Variants in PPP2R3B observed in about 807,000 individuals in gnomAD.
The protein encoded by PPP2R3B is protein phosphatase 2 regulatory subunit B''beta.
In PPP2R3B, 68 loss-of-function variants were observed where a neutral mutation model predicts 72.9. That is an observed-to-expected ratio of 0.93 (90% CI 0.77 to 1.14). The LOEUF (loss-of-function observed/expected upper bound fraction) is 1.14. PPP2R3B is among the 50% of genes most tolerant of loss of function. PPP2R3B has a pLI of 0.00. For missense variants in PPP2R3B, 1,018 were observed against 842.0 expected, an observed-to-expected ratio of 1.21 and a Z score of -2.59; for synonymous variants, 466 against 375.8, an observed-to-expected ratio of 1.24 and a Z score of -2.78.
intron 12 of PPP2R3B, chrX:338,084 G>A: frequency 5.8e-6 from 1 of 173,218 alleles, no homozygotes; most frequent in Admixed American, 5.4e-5. Flanking sequence ...AAGAGGGGGT[G>A]AAAACATACG....
chrX:355,464 C>T (rs1426538352), intron 2 of PPP2R3B, among the ~76,000 whole-genome samples: 1 of 152,180 alleles, frequency 6.6e-6, no homozygotes, highest in Non-Finnish European at 1.5e-5. Context: ...AGCAGGCTGT[C>T]GTAGCAACGG....
chrX:375,748 A>T (rs1325965637), intron 1 of PPP2R3B, among the ~76,000 whole-genome samples: 3 of 152,048 alleles, frequency 2.0e-5, no homozygotes, highest in Non-Finnish European at 4.4e-5. Context: ...TCAAACCCAA[A>T]ATGCGGGGGA....
At chrX:334,924 G>C (rs1420718748) in intron 12 of PPP2R3B, 2 of 179,484 alleles carry the variant, frequency 1.1e-5, no homozygotes, top group Middle Eastern at 2.2e-3. Flanking sequence ...TCCCAGTGGA[G>C]GCTACCACTT....
At chrX:367,505 C>T (rs1385281072) in intron 1 of PPP2R3B, among the ~76,000 whole-genome samples, 1 of 151,920 alleles carries the variant, frequency 6.6e-6, no homozygotes, top group Non-Finnish European at 1.5e-5. Flanking sequence ...TCCAGCGATT[C>T]TCCTGCCTCA....
At chrX:334,673 T>C in intron 12 of PPP2R3B, 156 bp from the exon 13 acceptor site, 1 of 889,578 alleles carries the variant, frequency 1.1e-6, no homozygotes, top group Non-Finnish European at 1.5e-6. Flanking sequence ...AACGCGCTCC[T>C]GGCTGAGGAC....
At chrX:356,770 C>T (rs1413583770) in intron 2 of PPP2R3B, among the ~76,000 whole-genome samples, 4 of 147,446 alleles carry the variant, frequency 2.7e-5, no homozygotes, top group Non-Finnish European at 4.5e-5. Flanking sequence ...ACTGCCCATA[C>T]GGCCAGGGAC....
intron 1 of PPP2R3B, among the ~76,000 whole-genome samples, chrX:379,113 GTGCACCTGTGTGTATGCACCTA>G (rs2072063932): frequency 6.6e-6 from 1 of 151,038 alleles, no homozygotes; most frequent in African/African-American, 2.4e-5. Context: ...GCACCTGTGT[GTGCACCTGTGTGTATGCACCTA>G]TGTGTGTGTA....
chrX:336,573 A>T (rs755252273), intron 12 of PPP2R3B: 1 of 152,444 alleles, frequency 6.6e-6, no homozygotes, highest in South Asian at 2.1e-4. Context: ...AGTAACGTAC[A>T]CAGAGAGGTG....
chrX:377,603 G>A (rs2072025160), intron 1 of PPP2R3B, among the ~76,000 whole-genome samples: 1 of 129,888 alleles, frequency 7.7e-6, no homozygotes, highest in Non-Finnish European at 1.6e-5. Context: ...ACAGGGACGG[G>A]CCGTCTACAG....
chrX:349,598 A>G (rs1343948721), intron 2 of PPP2R3B, among the ~76,000 whole-genome samples: 2 of 152,216 alleles, frequency 1.3e-5, no homozygotes, highest in African/African-American at 4.8e-5. Flanking sequence ...CAAGCAACAC[A>G]CTGTGTAGAC....
intron 1 of PPP2R3B, among the ~76,000 whole-genome samples, chrX:363,885 G>A (rs2071621044): frequency 6.6e-6 from 1 of 152,256 alleles, no homozygotes; most frequent in African/African-American, 2.4e-5. Context: ...TCCTGTGTTT[G>A]GCAATATAGC....
intron 12 of PPP2R3B, chrX:337,394 C>CTT (rs2070919824): frequency 6.6e-6 from 1 of 152,196 alleles, no homozygotes; most frequent in Admixed American, 6.6e-5. Context: ...GGAGCCTATT[C>CTT]TTATGTGTTT....
chrX:334,563 G>GC, intron 12 of PPP2R3B, 46 bp from the exon 13 acceptor site: 2 of 1,419,562 alleles, frequency 1.4e-6, no homozygotes, highest in Non-Finnish European at 1.8e-6. Flanking sequence ...CGCGGAGCAG[G>GC]CCCTGGGCCG....
At chrX:350,585 C>T (rs73613881) in intron 2 of PPP2R3B, among the ~76,000 whole-genome samples, 6,675 of 152,240 alleles carry the variant, frequency 0.044, 463 homozygotes, top group African/African-American at 0.14. Context: ...GCACGGTGGC[C>T]GTAGACAAGG....
chrX:363,203 G>A (rs1311865434), intron 1 of PPP2R3B, among the ~76,000 whole-genome samples: 2 of 11,500 alleles, frequency 1.7e-4, no homozygotes, highest in African/African-American at 5.7e-4. Context: ...TGGGGCAGGA[G>A]GTCCCTGCAT....
At chrX:352,047 A>C (rs2071342830) in intron 2 of PPP2R3B, among the ~76,000 whole-genome samples, 1 of 152,190 alleles carries the variant, frequency 6.6e-6, no homozygotes, top group Non-Finnish European at 1.5e-5. Flanking sequence ...AGTGCTGGGC[A>C]CACAGTCCCC....
At chrX:369,152 A>AGG (rs2071800473) in intron 1 of PPP2R3B, among the ~76,000 whole-genome samples, 1 of 152,172 alleles carries the variant, frequency 6.6e-6, no homozygotes, top group Non-Finnish European at 1.5e-5. Flanking sequence ...CCCCAAACGT[A>AGG]GCCGGTGAGG....
rs144679436 is a variant in PPP2R3B, at chrX:356,230, C to A, written c.510+5175G>T. On this transcript the variant is annotated intron_variant, in intron 2 of 12. Transcript: ENST00000390665. ...GGGTTTTTTGTTTTTTGTTTTTTTG[C>A]GTAGAGACACAGTCTTGCTCAGTCG... 3.2e-3 allele frequency among the ~76,000 whole-genome samples: 483 copies of A among 152,132 alleles called. 4 individuals are homozygous for A. The highest frequency in any genetic ancestry group is 0.011 in the African/African-American group (467 of 41,520).
intron 12 of PPP2R3B, chrX:337,956 T>C (rs1400933654): frequency 6.4e-6 from 1 of 155,684 alleles, no homozygotes; most frequent in Non-Finnish European, 1.4e-5. Flanking sequence ...CAGAGGAAAA[T>C]CTTCGTGGCT....
Sources: gnomAD v4.1 joint callset for allele counts (sites outside exome capture counted in the v4.1 genomes callset) on GRCh38, gnomAD v4.1.1 for gene constraint, MANE v1.5 for transcripts, NCBI Gene and HGNC (gene_info 2026-07-23, HGNC 2026-07-21) for gene names.